The following ATXN2 variants were observed in gnomAD, a reference collection of about 807,000 sequenced individuals.
ATXN2 encodes the protein ataxin-2.
ATXN2 carries 37 observed loss-of-function variants against 138.6 expected under a neutral mutation model. The ratio of observed to expected loss-of-function variants is 0.27; its 90% confidence interval spans 0.21 to 0.35. The LOEUF (loss-of-function observed/expected upper bound fraction) is 0.35. Ranked by LOEUF, ATXN2 falls within the 10% of genes least tolerant of loss-of-function variation. ATXN2 has a pLI of 1.00. For missense variants in ATXN2, 1,216 were observed against 1,480.3 expected (o/e 0.82, Z 2.93); for synonymous variants, 549 against 543.7 (o/e 1.01, Z -0.13).
At chr12:111,593,086 T>C (rs986522630) in intron 1 of ATXN2, among the ~76,000 whole-genome samples, 1 of 151,654 alleles carries the variant, frequency 6.6e-6, no homozygotes, top group African/African-American at 2.4e-5. Context: ...CTTTTTTTGT[T>C]TGTTTGTTTG....
intron 5 of ATXN2, among the ~76,000 whole-genome samples, chr12:111,547,193 C>T (rs1157467434): frequency 6.6e-6 from 1 of 152,114 alleles, no homozygotes; most frequent in African/African-American, 2.4e-5. Context: ...CTTTGGGAGG[C>T]CAAGGTGGGT....
intron 1 of ATXN2, among the ~76,000 whole-genome samples, chr12:111,565,543 T>C (rs1469341939): frequency 6.6e-6 from 1 of 152,214 alleles, no homozygotes; most frequent in African/African-American, 2.4e-5. Context: ...CAGTAATCGT[T>C]GATGTTACCC....
chr12:111,509,734 A>G, intron 13 of ATXN2, 115 bp from the exon 14 acceptor site: 1 of 934,662 alleles, frequency 1.1e-6, no homozygotes, highest in Non-Finnish European at 1.6e-6. Flanking sequence ...AAATAATTTC[A>G]AATATTAAAT....
At chr12:111,475,306 T>C (rs943496358) in intron 18 of ATXN2, among the ~76,000 whole-genome samples, 3 of 138,330 alleles carry the variant, frequency 2.2e-5, no homozygotes, top group South Asian at 2.3e-4. Flanking sequence ...ATTGTGCCAC[T>C]GTACTCCAGC....
Position 111,552,425 on chromosome 12 carries a change from A to G in ATXN2, c.426T>C (p.Asp142=), listed in dbSNP as rs769597017. 6.2e-7 allele frequency: 1 copy of G among 1,605,816 alleles called. No individual in the cohort carries two copies. The highest frequency in any genetic ancestry group is 1.3e-5 in the African/African-American group (1 of 74,306). ...TCTCATGTGCGGCATCAAGTACCAA[A>G]TCACACTAAAATGAAAAACACAAGT... ...GVFKTYSPKC[D]LVLDAAHEKS... is the part of the protein sequence containing the mutation. The change falls in exon 5 of 25, where the codon GAT becomes GAC. Residue 142 remains aspartate (D), a synonymous_variant. Transcript: ENST00000673436. This position sits in a 1 kb window ranked among gnomAD's most constrained non-coding sequence, Gnocchi z 4.1.
intron 1 of ATXN2, among the ~76,000 whole-genome samples, chr12:111,585,811 A>T (rs1884293041): frequency 8.0e-6 from 1 of 124,880 alleles, no homozygotes; most frequent in Non-Finnish European, 1.5e-5. Flanking sequence ...CAAAAAAAAA[A>T]AAAAAAAAAA....
At chr12:111,544,211 A>C (rs1881686428) in intron 5 of ATXN2, among the ~76,000 whole-genome samples, 1 of 152,234 alleles carries the variant, frequency 6.6e-6, no homozygotes, top group African/African-American at 2.4e-5. Context: ...GGGACCCAAA[A>C]TAGATTCTTG....
At chr12:111,560,825 T>C (rs914060856) in intron 1 of ATXN2, among the ~76,000 whole-genome samples, 1 of 149,694 alleles carries the variant, frequency 6.7e-6, no homozygotes, top group Non-Finnish European at 1.5e-5. Flanking sequence ...AAGTAGGCAA[T>C]AGAAATTGCT....
In ATXN2 at chr12:111,486,649, T is replaced by C. The variant is rs2135699890; in HGVS notation, c.2304+112A>G. The C allele has an allele frequency of 2.6e-6, 2 of 777,350 alleles. 1 individual carries two copies. The highest frequency in any genetic ancestry group is 4.9e-4 in the Middle Eastern group (2 of 4,100). The allele number at this position is 777,350 out of a possible 1,614,324, so 48.2% of individuals were successfully genotyped here. A position where few individuals can be genotyped will look rare whatever the true frequency, so the allele number is the denominator to read the frequency against. On this transcript the variant is annotated intron_variant, in intron 16 of 24. Transcript: ENST00000673436. ...GGCCATGTAAAAAAAAGAAAGAAGG[T>C]TGGTTCAGCACACTAAAACAAAATT...
chr12:111,598,686 G>C lies in ATXN2; in HGVS notation c.251+98C>G, dbSNP rs1205101516. 1.7e-5 allele frequency: 15 copies of C among 889,876 alleles called. No individual in the cohort carries two copies. The highest frequency in any genetic ancestry group is 1.9e-5 in the Non-Finnish European group (14 of 728,544). The allele number at this position is 889,876 out of a possible 1,614,324, so 55.1% of individuals were successfully genotyped here. A position where few individuals can be genotyped will look rare whatever the true frequency, so the allele number is the denominator to read the frequency against. On this transcript the variant is annotated intron_variant, in intron 1 of 24. Coordinates refer to ENST00000673436, the MANE Select transcript of ATXN2 (RefSeq NM_001372574.1). This position sits in a 1 kb window ranked among gnomAD's most constrained non-coding sequence, Gnocchi z 4.5. ...GCGCTGCCGGCCCCCAGCCCACCCC[G>C]GGTAGCCCGGCGGGTCACGGGGCGG...
At chr12:111,457,186 T>G in intron 22 of ATXN2, 28 bp downstream of exon 22, 1 of 1,595,454 alleles carries the variant, frequency 6.3e-7, no homozygotes, top group Non-Finnish European at 8.5e-7. Flanking sequence ...AAGAAGCCAC[T>G]CCATGCAGAC....
chr12:111,469,536 CTCATTT>C (rs1251184113), intron 20 of ATXN2: 2 of 152,286 alleles, frequency 1.3e-5, no homozygotes, highest in Non-Finnish European at 2.9e-5. Context: ...TAAAATACTT[CTCATTT>C]TCATTTCAGC....
intron 1 of ATXN2, among the ~76,000 whole-genome samples, chr12:111,596,242 AC>A (rs1884935773): frequency 2.0e-5 from 3 of 151,328 alleles, no homozygotes; most frequent in South Asian, 2.1e-4. Flanking sequence ...ACACACACAC[AC>A]ACAAAATTAG....
At chr12:111,509,112 G>C (rs1490412834) in intron 14 of ATXN2, among the ~76,000 whole-genome samples, 1 of 152,166 alleles carries the variant, frequency 6.6e-6, no homozygotes. Flanking sequence ...TGCTAAGACA[G>C]AGAAATAATG....
intron 5 of ATXN2, among the ~76,000 whole-genome samples, chr12:111,539,103 T>C (rs1881350777): frequency 6.7e-6 from 1 of 150,358 alleles, no homozygotes; most frequent in Non-Finnish European, 1.5e-5. Flanking sequence ...ATTTTCTCCA[T>C]TAGGCTTCTG....
chr12:111,573,504 T>C (rs1256058085), intron 1 of ATXN2, among the ~76,000 whole-genome samples: 1 of 152,186 alleles, frequency 6.6e-6, no homozygotes, highest in Non-Finnish European at 1.5e-5. Flanking sequence ...CCTTCTTCAC[T>C]GATTTTTACT....
chr12:111,457,997 G>A (rs1450201172), intron 21 of ATXN2: 1 of 152,170 alleles, frequency 6.6e-6, no homozygotes, highest in Non-Finnish European at 1.5e-5. Flanking sequence ...CCAGCCCTTT[G>A]GAAAGAAATT....
chr12:111,472,172 T>C (rs1047834386), intron 18 of ATXN2, among the ~76,000 whole-genome samples: 3 of 151,930 alleles, frequency 2.0e-5, no homozygotes, highest in Non-Finnish European at 4.4e-5. Context: ...GAGGCTGAGG[T>C]GGGAGGAACT....
At chr12:111,538,267 T>C (rs1423203991) in intron 5 of ATXN2, among the ~76,000 whole-genome samples, 1 of 152,220 alleles carries the variant, frequency 6.6e-6, no homozygotes, top group Non-Finnish European at 1.5e-5. Flanking sequence ...ACATTCTGTT[T>C]GTGAGAGGTA....
Sources: allele counts gnomAD v4.1 joint callset (sites outside exome capture counted in the v4.1 genomes callset), GRCh38; gene constraint gnomAD v4.1.1; non-coding constraint Gnocchi (gnomAD v3.1); transcripts MANE v1.5; gene names NCBI Gene and HGNC (gene_info 2026-07-23, HGNC 2026-07-21).